Variants in ADGRB3 observed in about 807,000 individuals in gnomAD.
ADGRB3 encodes brain-specific angiogenesis inhibitor 3.
ADGRB3 carries 37 observed loss-of-function variants against 193.4 expected under a neutral mutation model. The observed-to-expected ratio is 0.19, with a 90% CI of 0.15 to 0.25. The LOEUF (loss-of-function observed/expected upper bound fraction) is 0.25, where lower values mean the gene tolerates loss of function less well. Among genes scored for constraint, ADGRB3 ranks in the 10% least tolerant of loss-of-function variants. The probability of loss-of-function intolerance (pLI) is 1.00; values close to 1 mark genes in which losing one functional copy is unlikely to be tolerated. For missense variants in ADGRB3, 1,637 were observed against 1,852.9 expected, an observed-to-expected ratio of 0.88 and a Z score of 2.14; for synonymous variants, 690 against 644.2, an observed-to-expected ratio of 1.07 and a Z score of -1.08.
chr6:68,810,804 G>T (rs1767497632), intron 3 of ADGRB3, among the ~76,000 whole-genome samples: 1 of 151,944 alleles, frequency 6.6e-6, no homozygotes, highest in Admixed American at 6.6e-5. Flanking sequence ...ATTAGAGCAA[G>T]AAAAATAGGA....
At chr6:68,756,205 C>G (rs1327706463) in intron 3 of ADGRB3, among the ~76,000 whole-genome samples, 1 of 152,116 alleles carries the variant, frequency 6.6e-6, no homozygotes, top group African/African-American at 2.4e-5. Flanking sequence ...TATATAACTT[C>G]CACTTAAATG....
chr6:69,211,242 A>C (rs1404636939), intron 17 of ADGRB3, among the ~76,000 whole-genome samples: 1 of 152,234 alleles, frequency 6.6e-6, no homozygotes, highest in Non-Finnish European at 1.5e-5. Context: ...GAAGGTCGGC[A>C]ACCTATAGCT....
intron 17 of ADGRB3, among the ~76,000 whole-genome samples, chr6:69,137,359 C>T (rs1051160212): frequency 6.6e-6 from 1 of 151,880 alleles, no homozygotes; most frequent in Non-Finnish European, 1.5e-5. Flanking sequence ...ATGAACTTAA[C>T]ATTTTCTGTG....
intron 3 of ADGRB3, among the ~76,000 whole-genome samples, chr6:68,730,566 T>A (rs2127331521): frequency 6.6e-6 from 1 of 151,824 alleles, no homozygotes; most frequent in African/African-American, 2.4e-5. Context: ...GACTCTTAAC[T>A]ATTAAAGAGT....
At chr6:68,781,721 G>A (rs776900575) in intron 3 of ADGRB3, among the ~76,000 whole-genome samples, 2 of 152,032 alleles carry the variant, frequency 1.3e-5, no homozygotes, top group Non-Finnish European at 2.9e-5. Context: ...ACCAACAGAA[G>A]CTGCCTACCT....
At chr6:69,170,396 C>G (rs981717466) in intron 17 of ADGRB3, among the ~76,000 whole-genome samples, 1 of 152,124 alleles carries the variant, frequency 6.6e-6, no homozygotes, top group Non-Finnish European at 1.5e-5. Context: ...TCAAAGCTTT[C>G]TTGGCCCTTG....
intron 3 of ADGRB3, among the ~76,000 whole-genome samples, chr6:68,656,515 A>C (rs1458358250): frequency 6.6e-6 from 1 of 151,562 alleles, no homozygotes; most frequent in Non-Finnish European, 1.5e-5. Flanking sequence ...TGTTGTAATT[A>C]TTATTATTGC....
At chr6:69,237,658 T>C (rs745489394) in intron 19 of ADGRB3, among the ~76,000 whole-genome samples, 1 of 152,058 alleles carries the variant, frequency 6.6e-6, no homozygotes, top group Non-Finnish European at 1.5e-5. Context: ...ATTATCATAT[T>C]TTTGTCTATT....
intron 13 of ADGRB3, 46 bp from the exon 14 acceptor site, chr6:69,048,139 A>C: frequency 6.3e-7 from 1 of 1,576,534 alleles, no homozygotes; most frequent in Non-Finnish European, 8.7e-7. Context: ...GATTACACTA[A>C]AATGTAAAGC....
chr6:68,954,016 C>G (rs1339414626), intron 6 of ADGRB3, among the ~76,000 whole-genome samples: 1 of 152,162 alleles, frequency 6.6e-6, no homozygotes, highest in East Asian at 1.9e-4. Flanking sequence ...ACATTCTAAT[C>G]TAGAAAGTAT....
intron 3 of ADGRB3, among the ~76,000 whole-genome samples, chr6:68,829,426 TA>T (rs2127383368): frequency 6.6e-6 from 1 of 152,154 alleles, no homozygotes; most frequent in African/African-American, 2.4e-5. Context: ...AACTTATAAA[TA>T]ACTGTTGTGT....
intron 17 of ADGRB3, among the ~76,000 whole-genome samples, chr6:69,192,215 A>C (rs1765203801): frequency 6.6e-6 from 1 of 152,170 alleles, no homozygotes; most frequent in African/African-American, 2.4e-5. Flanking sequence ...AAAGGTAAGA[A>C]AGCCAACAGT....
At chr6:68,961,406 A>T (rs1029309188) in intron 8 of ADGRB3, among the ~76,000 whole-genome samples, 2 of 152,138 alleles carry the variant, frequency 1.3e-5, no homozygotes, top group African/African-American at 4.8e-5. Context: ...CCTGCCTCTT[A>T]TCCCCCACAG....
intron 17 of ADGRB3, among the ~76,000 whole-genome samples, chr6:69,200,290 A>G (rs2150357642): frequency 6.6e-6 from 1 of 152,260 alleles, no homozygotes; most frequent in Admixed American, 6.5e-5. Context: ...TAACTTGAAA[A>G]AAAAATTCTA....
chr6:69,018,336 A>G (rs375120158), intron 12 of ADGRB3, 55 bp from the exon 13 acceptor site: 3 of 1,115,300 alleles, frequency 2.7e-6, no homozygotes, highest in South Asian at 1.6e-5. Context: ...TCAGTTATAT[A>G]TGCCATTGTA....
chr6:68,691,246 T>A (rs1428419806), intron 3 of ADGRB3, among the ~76,000 whole-genome samples: 8 of 152,108 alleles, frequency 5.3e-5, no homozygotes, highest in Non-Finnish European at 8.8e-5. Flanking sequence ...TGAATTGTGA[T>A]AGACGTTGTG....
chr6:69,133,448 A>G (rs1774067721), intron 17 of ADGRB3, among the ~76,000 whole-genome samples: 1 of 151,912 alleles, frequency 6.6e-6, no homozygotes, highest in South Asian at 2.1e-4. Context: ...CAGACCAATA[A>G]TAAATTCTGA....
In ADGRB3 at chr6:68,978,501, C is replaced by T. The variant is rs1768815278; in HGVS notation, c.1734+3161C>T. Among the ~76,000 whole-genome samples, 2 of 151,468 alleles carry T rather than the reference C, an allele frequency of 1.3e-5. 1 individual carries two copies. The highest frequency in any genetic ancestry group is 3.0e-5 in the Non-Finnish European group (2 of 67,664). On this transcript the variant is annotated intron_variant, in intron 10 of 31. Transcript: ENST00000370598. ...TTGCCTAAAGAGCATGATCTTTTTA[C>T]ATGTTCAGTAAAGTATAGAATGAAT...
chr6:68,637,143 C>T (rs1047909979), intron 1 of ADGRB3, among the ~76,000 whole-genome samples: 3 of 152,102 alleles, frequency 2.0e-5, no homozygotes, highest in African/African-American at 7.2e-5. Context: ...TTATTTTAAA[C>T]TGCTGCTATA....
Sources: gnomAD v4.1 joint callset for allele counts (sites outside exome capture counted in the v4.1 genomes callset) on GRCh38, gnomAD v4.1.1 for gene constraint, MANE v1.5 for transcripts, NCBI Gene and HGNC (gene_info 2026-07-23, HGNC 2026-07-21) for gene names.